The following PTPRQ variants were observed in gnomAD, a reference collection of about 807,000 sequenced individuals.
PTPRQ encodes protein tyrosine phosphatase receptor type Q.
A neutral mutation model predicts 246.0 loss-of-function variants in PTPRQ; 199 were observed. The observed-to-expected ratio is 0.81, with a 90% CI of 0.72 to 0.91. The LOEUF is 0.91. PTPRQ is among the 40% of genes least tolerant of loss of function. The probability of loss-of-function intolerance (pLI) is 0.00; values close to 1 mark genes in which losing one functional copy is unlikely to be tolerated. For synonymous variants in PTPRQ, 869 were observed against 853.2 expected (o/e 1.02, Z -0.32); for missense variants, 2,624 against 2,528.4 (o/e 1.04, Z -0.81).
chr12:80,654,582 T>C (rs1166742501), intron 38 of PTPRQ, among the ~76,000 whole-genome samples: 1 of 151,820 alleles, frequency 6.6e-6, no homozygotes, highest in Non-Finnish European at 1.5e-5. Flanking sequence ...GCGCGGTGGC[T>C]CACGCCTGTA....
chr12:80,627,345 T>TATAATAATAATA (rs10646490), intron 33 of PTPRQ, among the ~76,000 whole-genome samples: 16 of 143,314 alleles, frequency 1.1e-4, no homozygotes, highest in Middle Eastern at 3.6e-3. Context: ...ACTCAATTTT[T>TATAATAATAATA]ATAATAATAA....
chr12:80,584,665 C>T (rs917974346), intron 25 of PTPRQ, among the ~76,000 whole-genome samples: 4 of 152,144 alleles, frequency 2.6e-5, no homozygotes, highest in Non-Finnish European at 5.9e-5. Context: ...ACCCTCTCTT[C>T]CATGATCTCC....
At chr12:80,671,801 G>A (rs1900979315) in intron 42 of PTPRQ, among the ~76,000 whole-genome samples, 1 of 151,976 alleles carries the variant, frequency 6.6e-6, no homozygotes, top group Non-Finnish European at 1.5e-5. Flanking sequence ...TGAGCCAGAA[G>A]CCCTGGAGTC....
chr12:80,513,394 G>A (rs1315270686), intron 17 of PTPRQ, among the ~76,000 whole-genome samples: 1 of 152,116 alleles, frequency 6.6e-6, no homozygotes, highest in African/African-American at 2.4e-5. Flanking sequence ...GTCTGTCAGT[G>A]TGTGCTGTTA....
intron 42 of PTPRQ, among the ~76,000 whole-genome samples, chr12:80,672,393 T>A (rs1378986325): frequency 1.3e-5 from 2 of 151,740 alleles, no homozygotes. Context: ...AACTTGCCAA[T>A]GTTTGAATGT....
At chr12:80,446,234 T>TTG (rs1204308191) in intron 3 of PTPRQ, among the ~76,000 whole-genome samples, 7 of 151,672 alleles carry the variant, frequency 4.6e-5, no homozygotes, top group Non-Finnish European at 1.0e-4. Flanking sequence ...AAGTTTTTTT[T>TTG]TTTTTTGGTG....
In PTPRQ at chr12:80,549,662, A is replaced by G; in HGVS notation, c.4213A>G (p.Lys1405Glu). ...TCTTGCCAATACCTCATATGTCTTT[A>G]AAGTAAGAGCTTCAACCTCAGCTGG... is the stretch of plus-strand genomic sequence containing the variant. Reference protein sequence around the residue: ...KLLANTSYVFKVRASTSAGEG... With the variant: ...KLLANTSYVFEVRASTSAGEG... The change falls in exon 25 of 45, where the codon AAA (lysine) becomes GAA (glutamate). Residue 1405 changes from lysine to glutamate, a missense_variant. Lys to Glu is a moderately conservative substitution (Grantham distance 56, BLOSUM62 1). Coordinates refer to ENST00000644991, the MANE Select transcript of PTPRQ (RefSeq NM_001145026.2). 1 of 1,551,172 alleles carries G rather than the reference A, an allele frequency of 6.4e-7. No homozygotes were observed. The highest frequency in any genetic ancestry group is 8.7e-7 in the Non-Finnish European group (1 of 1,146,558).
intron 9 of PTPRQ, among the ~76,000 whole-genome samples, chr12:80,490,600 A>T (rs867717150): frequency 1.4e-4 from 21 of 152,084 alleles, no homozygotes; most frequent in Admixed American, 2.6e-4. Context: ...AGACATGTTC[A>T]TTGTCACAAC....
chr12:80,462,065 G>T (rs548630076), intron 6 of PTPRQ: 1 of 693,192 alleles, frequency 1.4e-6, no homozygotes, highest in Non-Finnish European at 2.6e-6. Flanking sequence ...GCGAGGCATT[G>T]CCTCACTTGG....
At chr12:80,613,451 C>G in intron 28 of PTPRQ, 141 bp from the exon 29 acceptor site, 1 of 777,666 alleles carries the variant, frequency 1.3e-6, no homozygotes, top group Non-Finnish European at 2.0e-6. Context: ...ATGCGTCAGT[C>G]ATTTTGCTAG....
chr12:80,564,975 G>C (rs1896935391), intron 25 of PTPRQ, among the ~76,000 whole-genome samples: 1 of 152,098 alleles, frequency 6.6e-6, no homozygotes, highest in African/African-American at 2.4e-5. Flanking sequence ...TTTGTCCAAA[G>C]TGGATTTAAA....
intron 39 of PTPRQ, among the ~76,000 whole-genome samples, chr12:80,659,756 G>A (rs1010500994): frequency 6.6e-6 from 1 of 152,010 alleles, no homozygotes; most frequent in African/African-American, 2.4e-5. Context: ...GTAATCAAGT[G>A]ATGTTGTAAT....
chr12:80,502,178 T>TGGAAAGGA (rs1390820879), intron 14 of PTPRQ, among the ~76,000 whole-genome samples: 1 of 151,788 alleles, frequency 6.6e-6, no homozygotes, highest in East Asian at 1.9e-4. Context: ...GGATAGAGCT[T>TGGAAAGGA]GGAAAGGAGG....
chr12:80,649,183 T>C (rs1241380140), intron 36 of PTPRQ, among the ~76,000 whole-genome samples: 1 of 152,106 alleles, frequency 6.6e-6, no homozygotes, highest in Non-Finnish European at 1.5e-5. Context: ...TTGAAAACCA[T>C]GTCATTATGA....
rs778819162 is a variant in PTPRQ at position 80,669,475 on chromosome 12, A to AG, written c.6453+11_6453+12insG. On this transcript the variant is annotated intron_variant, in intron 41 of 44. Coordinates refer to ENST00000644991, the MANE Select transcript of PTPRQ (RefSeq NM_001145026.2). ...CTGAAAATTGAAAGGGTAAAAAAAA[A>AG]AGGGGGGGACGAGAGAACATGATAT... 1 of 1,537,100 alleles carries AG rather than the reference A, an allele frequency of 6.5e-7. No homozygotes were observed. Among genetic ancestry groups the AG allele is most frequent in the South Asian group, 1.2e-5 (1 of 80,510 alleles).
intron 17 of PTPRQ, among the ~76,000 whole-genome samples, chr12:80,517,953 G>C (rs1230436859): frequency 2.6e-5 from 4 of 152,128 alleles, no homozygotes; most frequent in Non-Finnish European, 5.9e-5. Context: ...TGTAAGTGCA[G>C]ATATCTCTTC....
At chr12:80,667,518 A>G (rs1900824878) in intron 39 of PTPRQ, among the ~76,000 whole-genome samples, 1 of 151,970 alleles carries the variant, frequency 6.6e-6, no homozygotes. Context: ...TACATAATAT[A>G]CATTAATAGA....
intron 26 of PTPRQ, among the ~76,000 whole-genome samples, chr12:80,591,369 T>G (rs1421339930): frequency 2.2e-4 from 34 of 152,132 alleles, no homozygotes; most frequent in Admixed American, 2.2e-3. Context: ...GCTCAAGTGA[T>G]CCTCCTGCCG....
intron 23 of PTPRQ, among the ~76,000 whole-genome samples, chr12:80,546,317 A>T (rs542815436): frequency 6.6e-6 from 1 of 152,260 alleles, no homozygotes; most frequent in African/African-American, 2.4e-5. Context: ...AAAAAGTCTA[A>T]AAAAGGCAAT....
Sources: allele counts gnomAD v4.1 joint callset (sites outside exome capture counted in the v4.1 genomes callset), GRCh38; gene constraint gnomAD v4.1.1; transcripts MANE v1.5; gene names NCBI Gene and HGNC (gene_info 2026-07-23, HGNC 2026-07-21).